The following KCNJ16 variants were observed in gnomAD, a reference collection of about 807,000 sequenced individuals.
The protein encoded by KCNJ16 is potassium inwardly rectifying channel subfamily J member 16.
In KCNJ16, 15 loss-of-function variants were observed where a neutral mutation model predicts 18.5. The ratio of observed to expected loss-of-function variants is 0.81; its 90% CI spans 0.54 to 1.25. KCNJ16 has a LOEUF of 1.25. Among genes scored for constraint, KCNJ16 ranks in the 50% most tolerant of loss-of-function variants. The pLI is 0.00. For synonymous variants in KCNJ16, 174 were observed against 186.5 expected (o/e 0.93, Z 0.55); for missense variants, 523 against 525.7 (o/e 0.99, Z 0.05).
At chr17:70,113,909 C>A (rs1567796845) in intron 2 of KCNJ16, among the ~76,000 whole-genome samples, 2 of 152,088 alleles carry the variant, frequency 1.3e-5, no homozygotes, top group Non-Finnish European at 2.9e-5. Flanking sequence ...CTTCTATTAT[C>A]TGTAGTAAGT....
At chr17:70,125,544 T>G (rs748888251) in intron 2 of KCNJ16, among the ~76,000 whole-genome samples, 1 of 152,152 alleles carries the variant, frequency 6.6e-6, no homozygotes, top group Admixed American at 6.5e-5. Flanking sequence ...AAAAGGCTCC[T>G]GGTCCAGACC....
chr17:70,098,713 G>T (rs2072495290), intron 1 of KCNJ16, among the ~76,000 whole-genome samples: 1 of 152,070 alleles, frequency 6.6e-6, no homozygotes, highest in East Asian at 1.9e-4. Flanking sequence ...GAAGCTAGAA[G>T]CTTTTTCTAT....
At chr17:70,117,154 A>G (rs1003639082) in intron 2 of KCNJ16, among the ~76,000 whole-genome samples, 5 of 152,214 alleles carry the variant, frequency 3.3e-5, no homozygotes, top group Admixed American at 6.5e-5. Context: ...CTTTGCAGCA[A>G]CATTTACGTA....
intron 1 of KCNJ16, among the ~76,000 whole-genome samples, chr17:70,099,710 G>T (rs1219680847): frequency 6.6e-6 from 1 of 151,972 alleles, no homozygotes; most frequent in East Asian, 1.9e-4. Flanking sequence ...TCTTTGCCTG[G>T]TGCTATGTGT....
chr17:70,122,911 A>T (rs8069323), intron 2 of KCNJ16, among the ~76,000 whole-genome samples: 5,095 of 152,242 alleles, frequency 0.033, 201 homozygotes, highest in East Asian at 0.12. Flanking sequence ...CTGTAATGAG[A>T]GGTGGCTTCT....
At chr17:70,106,580 T>C (rs929827465) in intron 2 of KCNJ16, among the ~76,000 whole-genome samples, 5 of 152,158 alleles carry the variant, frequency 3.3e-5, no homozygotes, top group East Asian at 1.9e-4. Flanking sequence ...CACAAGCCAA[T>C]TGCAATTTTG....
intron 1 of KCNJ16, among the ~76,000 whole-genome samples, chr17:70,095,212 GT>G (rs531192549): frequency 9.9e-5 from 15 of 152,166 alleles, no homozygotes; most frequent in Non-Finnish European, 2.2e-4. Context: ...ACCATACTAT[GT>G]TTTTTATCTT....
At chr17:70,102,825 C>T (rs964366596) in intron 2 of KCNJ16, among the ~76,000 whole-genome samples, 1 of 152,158 alleles carries the variant, frequency 6.6e-6, no homozygotes, top group African/African-American at 2.4e-5. Flanking sequence ...GTTGTGACAT[C>T]TTTCATCAAG....
At chr17:70,130,481 T>C (rs1052854965) in intron 2 of KCNJ16, among the ~76,000 whole-genome samples, 3 of 152,194 alleles carry the variant, frequency 2.0e-5, no homozygotes, top group African/African-American at 7.2e-5. Context: ...CATACATGCC[T>C]TACGGGAGTT....
Position 70,132,035 on chromosome 17 carries a change from T to C in KCNJ16, c.-53T>C, listed in dbSNP as rs2074072287. 1 of 1,611,026 alleles carries C rather than the reference T, an allele frequency of 6.2e-7. No homozygotes were observed. Among genetic ancestry groups the C allele is most frequent in the Non-Finnish European group, 8.5e-7 (1 of 1,179,120 alleles). ...CCAAACCAAGAAATAGCAACAAGTCTAGAATTCTTACTACTACAAAACTCA... is the reference window on the plus strand; with the variant it reads ...CCAAACCAAGAAATAGCAACAAGTCCAGAATTCTTACTACTACAAAACTCA... On this transcript the variant is annotated 5_prime_UTR_variant, in exon 4 of 4. Transcript: ENST00000392671.
intron 2 of KCNJ16, among the ~76,000 whole-genome samples, chr17:70,107,479 T>C (rs1221332838): frequency 6.6e-6 from 1 of 152,122 alleles, no homozygotes; most frequent in East Asian, 1.9e-4. Flanking sequence ...TGCTGAGTTG[T>C]ATTTTTTTTT....
intron 2 of KCNJ16, among the ~76,000 whole-genome samples, chr17:70,125,321 G>A: frequency 6.6e-6 from 1 of 151,974 alleles, no homozygotes; most frequent in Middle Eastern, 3.2e-3. Flanking sequence ...CTTGTCCCTG[G>A]GGCTTTGAGG....
At chr17:70,095,769 T>C (rs1394941620) in intron 1 of KCNJ16, among the ~76,000 whole-genome samples, 1 of 151,404 alleles carries the variant, frequency 6.6e-6, no homozygotes, top group Non-Finnish European at 1.5e-5. Flanking sequence ...GGATATCAAA[T>C]GTGGTACCAA....
chr17:70,123,114 C>G (rs2073712972), intron 2 of KCNJ16, among the ~76,000 whole-genome samples: 1 of 152,162 alleles, frequency 6.6e-6, no homozygotes, highest in South Asian at 2.1e-4. Context: ...ATTTCAACAG[C>G]TTTCACTGTT....
intron 1 of KCNJ16, among the ~76,000 whole-genome samples, chr17:70,090,675 C>T (rs142416450): frequency 1.3e-5 from 2 of 151,368 alleles, no homozygotes; most frequent in African/African-American, 4.9e-5. Context: ...CTCACAATAC[C>T]GCTAACCCAC....
intron 2 of KCNJ16, among the ~76,000 whole-genome samples, chr17:70,128,409 A>C (rs2073934471): frequency 6.6e-6 from 1 of 152,152 alleles, no homozygotes; most frequent in African/African-American, 2.4e-5. Context: ...TGACCCTTCT[A>C]ACTTCCCCTC....
At chr17:70,118,906 C>T (rs1354245357) in intron 2 of KCNJ16, among the ~76,000 whole-genome samples, 1 of 152,148 alleles carries the variant, frequency 6.6e-6, no homozygotes, top group African/African-American at 2.4e-5. Flanking sequence ...CTTATTCTAG[C>T]ATTAACTCAA....
chr17:70,122,085 T>C (rs2073662511), intron 2 of KCNJ16, among the ~76,000 whole-genome samples: 1 of 152,178 alleles, frequency 6.6e-6, no homozygotes, highest in Admixed American at 6.5e-5. Context: ...GTAGATTTAA[T>C]ATCTACTTAG....
In KCNJ16 at chr17:70,132,029, C is replaced by A; in HGVS notation, c.-59C>A. 1 of 1,605,674 alleles carries A rather than the reference C, an allele frequency of 6.2e-7. No individual in the cohort carries two copies. The highest frequency in any genetic ancestry group is 8.5e-7 in the Non-Finnish European group (1 of 1,176,174). ...GAAAACCCAAACCAAGAAATAGCAA[C>A]AAGTCTAGAATTCTTACTACTACAA... On this transcript the variant is annotated 5_prime_UTR_variant, in exon 4 of 4. Coordinates refer to ENST00000392671, the MANE Select transcript of KCNJ16 (RefSeq NM_170741.4).
Sources: gnomAD v4.1 joint callset for allele counts (sites outside exome capture counted in the v4.1 genomes callset) on GRCh38, gnomAD v4.1.1 for gene constraint, MANE v1.5 for transcripts, NCBI Gene and HGNC (gene_info 2026-07-23, HGNC 2026-07-21) for gene names.